Variants in CDH18 observed in about 807,000 individuals in gnomAD.
CDH18 encodes cadherin 18, also known as cadherin-18.
CDH18 carries 31 observed loss-of-function variants against 67.9 expected under a neutral mutation model. The ratio of observed to expected loss-of-function variants is 0.46; its 90% confidence interval spans 0.34 to 0.62. The LOEUF is 0.62. CDH18 is among the 20% of genes least tolerant of loss of function. CDH18 has a pLI of 0.01. For synonymous variants in CDH18, 362 were observed against 347.2 expected, an observed-to-expected ratio of 1.04 and a Z score of -0.48; for missense variants, 890 against 975.5, an observed-to-expected ratio of 0.91 and a Z score of 1.17.
chr5:20,223,879 G>A (rs1437452436), intron 2 of CDH18, among the ~76,000 whole-genome samples: 1 of 152,040 alleles, frequency 6.6e-6, no homozygotes, highest in African/African-American at 2.4e-5. Context: ...CAAGCCATAT[G>A]GAACTGTGAG....
At chr5:20,191,780 C>T (rs1257904702) in intron 2 of CDH18, among the ~76,000 whole-genome samples, 1 of 152,112 alleles carries the variant, frequency 6.6e-6, no homozygotes, top group Admixed American at 6.6e-5. Context: ...TGGGTTGGTT[C>T]CACGTCTCTG....
intron 7 of CDH18, among the ~76,000 whole-genome samples, chr5:19,588,813 C>T (rs1744641417): frequency 6.6e-6 from 1 of 152,000 alleles, no homozygotes; most frequent in Admixed American, 6.6e-5. Context: ...AAGAGCATTA[C>T]ATAATGGTAA....
chr5:19,750,798 T>A (rs1167268385), intron 3 of CDH18, among the ~76,000 whole-genome samples: 1 of 136,758 alleles, frequency 7.3e-6, no homozygotes, highest in East Asian at 2.6e-4. Flanking sequence ...AGTTTAGTCA[T>A]ACCAAGGGCA....
chr5:20,184,873 A>C (rs1737970268), intron 2 of CDH18, among the ~76,000 whole-genome samples: 1 of 152,000 alleles, frequency 6.6e-6, no homozygotes, highest in Admixed American at 6.6e-5. Flanking sequence ...ATCTCCTACA[A>C]CTTATTTAGG....
At chr5:20,176,125 G>A (rs1401459266) in intron 2 of CDH18, among the ~76,000 whole-genome samples, 1 of 152,110 alleles carries the variant, frequency 6.6e-6, no homozygotes, top group East Asian at 1.9e-4. Flanking sequence ...TGTTTTCTGA[G>A]GAACACAGAA....
At chr5:20,321,995 C>G (rs1239179608) in intron 1 of CDH18, among the ~76,000 whole-genome samples, 6 of 151,924 alleles carry the variant, frequency 3.9e-5, no homozygotes, top group Admixed American at 3.9e-4. Context: ...ATTCATTTTA[C>G]CCAAGCATAA....
chr5:19,498,800 T>C (rs920692937), intron 11 of CDH18, among the ~76,000 whole-genome samples: 9 of 152,216 alleles, frequency 5.9e-5, no homozygotes, highest in Non-Finnish European at 8.8e-5. Flanking sequence ...GCCTTTAGGC[T>C]TGCTAAACTT....
intron 3 of CDH18, among the ~76,000 whole-genome samples, chr5:19,811,916 CAAT>C (rs1778783870): frequency 6.6e-6 from 1 of 151,884 alleles, no homozygotes. Context: ...TCTACATAAA[CAAT>C]AAGGAAATCA....
At chr5:19,577,184 G>A (rs1477551806) in intron 7 of CDH18, among the ~76,000 whole-genome samples, 1 of 152,146 alleles carries the variant, frequency 6.6e-6, no homozygotes, top group African/African-American at 2.4e-5. Context: ...ATACAGCACA[G>A]TGACTACACT....
intron 3 of CDH18, among the ~76,000 whole-genome samples, chr5:19,755,201 CAAAAAATA>C (rs1016871090): frequency 3.4e-5 from 5 of 147,850 alleles, no homozygotes; most frequent in Non-Finnish European, 4.5e-5. Flanking sequence ...AAAAAAAATA[CAAAAAATA>C]AAAAAATAAA....
intron 2 of CDH18, among the ~76,000 whole-genome samples, chr5:19,993,926 C>T (rs1325316419): frequency 1.3e-5 from 2 of 152,034 alleles, no homozygotes; most frequent in Admixed American, 6.6e-5. Context: ...AATTATTATG[C>T]CACGCTTCCT....
chr5:20,221,439 A>C lies in CDH18; in HGVS notation c.-518+34005T>G, dbSNP rs796285930. The stretch of plus-strand genomic sequence containing the variant: ...AACAACTGAACTCATGGAAATAGAG[A>C]GTAGAATAATAGTTATCAGAGGCTA... On this transcript the variant is annotated intron_variant, in intron 2 of 14. Transcript: ENST00000507958. Among the ~76,000 whole-genome samples, 12 of 152,228 alleles carry C rather than the reference A, an allele frequency of 7.9e-5. No homozygotes were observed. In the South Asian group the frequency reaches 1.4e-3, roughly 18 times the overall value.
chr5:20,167,883 C>T (rs931747899), intron 2 of CDH18, among the ~76,000 whole-genome samples: 1 of 152,146 alleles, frequency 6.6e-6, no homozygotes, highest in Non-Finnish European at 1.5e-5. Context: ...TTGCTTTAAC[C>T]AAACTGGAAG....
chr5:20,064,125 A>G (rs565693876), intron 2 of CDH18, among the ~76,000 whole-genome samples: 2 of 152,280 alleles, frequency 1.3e-5, no homozygotes, highest in South Asian at 4.1e-4. Flanking sequence ...TTAATGTGTT[A>G]TTATGAAAAC....
At chr5:19,852,713 T>C (rs921528783) in intron 2 of CDH18, among the ~76,000 whole-genome samples, 2 of 152,102 alleles carry the variant, frequency 1.3e-5, no homozygotes, top group African/African-American at 2.4e-5. Flanking sequence ...TGAAAACTTA[T>C]TGAGTTGTCC....
chr5:20,261,459 G>A (rs900290190), intron 1 of CDH18, among the ~76,000 whole-genome samples: 2 of 152,184 alleles, frequency 1.3e-5, no homozygotes, highest in African/African-American at 4.8e-5. Flanking sequence ...AATTGCTAGA[G>A]GTCGGGCGTG....
At chr5:19,893,151 G>C (rs1268281237) in intron 2 of CDH18, among the ~76,000 whole-genome samples, 1 of 152,106 alleles carries the variant, frequency 6.6e-6, no homozygotes, top group Non-Finnish European at 1.5e-5. Context: ...TGAGGACACA[G>C]GAGAAGGTAC....
intron 1 of CDH18, among the ~76,000 whole-genome samples, chr5:20,511,789 A>T (rs555343631): frequency 1.3e-5 from 2 of 152,282 alleles, no homozygotes; most frequent in Non-Finnish European, 2.9e-5. Context: ...TCAGAGTTCA[A>T]TGTGTTCATT....
At position 19,746,825 on chromosome 5, in the gene CDH18, C is replaced by T. The variant is rs1476909421; in HGVS notation, c.523+117G>A. ...CAAAAAATACTAAAATATTTTGAAA[C>T]TTCATATTTATATCCCCTCCAGATA... On this transcript the variant is annotated intron_variant, in intron 4 of 12. Coordinates refer to ENST00000382275, the MANE Select transcript of CDH18 (RefSeq NM_004934.5). The T allele has an allele frequency of 7.4e-6, 6 of 807,272 alleles. No individual in the cohort carries two copies. The East Asian group carries it at 1.6e-4, about 22-fold the overall frequency. The allele number at this position is 807,272 out of a possible 1,614,324, so 50.0% of individuals were successfully genotyped here.
Sources: gnomAD v4.1 joint callset for allele counts (sites outside exome capture counted in the v4.1 genomes callset) on GRCh38, gnomAD v4.1.1 for gene constraint, MANE v1.5 for transcripts, NCBI Gene and HGNC (gene_info 2026-07-23, HGNC 2026-07-21) for gene names.